Variants in INPP5D observed in about 807,000 individuals in gnomAD.
INPP5D encodes the protein inositol polyphosphate-5-phosphatase D.
Under a neutral mutation model 122.9 loss-of-function variants are expected in INPP5D, and 33 were observed. That is an observed-to-expected ratio of 0.27 (90% CI 0.20 to 0.36). INPP5D has a LOEUF of 0.36. Ranked by LOEUF, INPP5D falls within the 10% of genes least tolerant of loss-of-function variation. The pLI, the probability that INPP5D is intolerant of heterozygous loss-of-function variation, is 1.00. For missense variants in INPP5D, 1,053 were observed against 1,412.7 expected, an observed-to-expected ratio of 0.75 and a Z score of 4.08; for synonymous variants, 584 against 576.2, an observed-to-expected ratio of 1.01 and a Z score of -0.19.
At chr2:233,169,995 G>A (rs755176509) in intron 14 of INPP5D, 31 bp from the exon 15 acceptor site, 50 of 1,613,748 alleles carry the variant, frequency 3.1e-5, no homozygotes, top group East Asian at 6.7e-5. Flanking sequence ...CAGTGACCCC[G>A]TGCTAGATGG....
chr2:233,170,322 G>A lies in INPP5D; in HGVS notation c.1791+158G>A. The A allele has an allele frequency of 1.1e-5, 16 of 1,482,320 alleles. No homozygotes were observed. The highest frequency in any genetic ancestry group is 1.4e-5 in the Non-Finnish European group (16 of 1,107,780). The allele number at this position is 1,482,320 out of a possible 1,614,324, so 91.8% of individuals were successfully genotyped here. ...ACGCTGTTTCCATTACTGAGCCTCA[G>A]CCGCTCCTCACGGTTCCCCTGTGCT... is the stretch of plus-strand genomic sequence containing the variant. On this transcript the variant is annotated intron_variant, in intron 15 of 26. Transcript: ENST00000445964. This position sits in a 1 kb window ranked among gnomAD's most constrained non-coding sequence, Gnocchi z 4.5.
At chr2:233,200,444 A>G (rs1695301853) in intron 25 of INPP5D, among the ~76,000 whole-genome samples, 1 of 152,198 alleles carries the variant, frequency 6.6e-6, no homozygotes, top group Non-Finnish European at 1.5e-5. Flanking sequence ...GTTCACTCTC[A>G]GCCTCTCTTC....
At chr2:233,111,203 C>CGTCAAAATCAGG (rs1469227741) in intron 2 of INPP5D, among the ~76,000 whole-genome samples, 1 of 152,110 alleles carries the variant, frequency 6.6e-6, no homozygotes, top group South Asian at 2.1e-4. Flanking sequence ...CCTTTGTAAC[C>CGTCAAAATCAGG]ACATTCAACC....
chr2:233,186,952 C>T (rs767481054), intron 21 of INPP5D, among the ~76,000 whole-genome samples: 2 of 151,688 alleles, frequency 1.3e-5, no homozygotes, highest in Non-Finnish European at 2.9e-5. Flanking sequence ...AACTCCTGAC[C>T]TCAAGTGATC....
chr2:233,182,414 T>C lies in INPP5D; in HGVS notation c.2076T>C (p.Ser692=). ...AATGCCTTCCCTCCCCTGCAGGCAG[T>C]ACCAGCGACATCATGACGAGTGACC... is the stretch of plus-strand genomic sequence containing the variant. ...LVHVVCQSYG[S]TSDIMTSDHS... Residue 692 remains serine (S), a synonymous_variant, in exon 19 of 27, where the codon AGT becomes AGC. Transcript: ENST00000445964. The C allele has an allele frequency of 6.2e-7, 1 of 1,613,700 alleles. No homozygotes were observed. The highest frequency in any genetic ancestry group is 8.5e-7 in the Non-Finnish European group (1 of 1,179,684).
chr2:233,133,872 G>C (rs1345315939), intron 5 of INPP5D: 10 of 425,604 alleles, frequency 2.3e-5, no homozygotes, highest in African/African-American at 1.8e-4. Context: ...GCTAGCAGGG[G>C]CAGGGGTCTG....
chr2:233,125,860 C>G lies in INPP5D; in HGVS notation c.465C>G (p.Thr155=). 6.2e-7 allele frequency: 1 copy of G among 1,613,718 alleles called. No homozygotes were observed. Among genetic ancestry groups the G allele is most frequent in the South Asian group, 1.1e-5 (1 of 91,038 alleles). The change falls in exon 4 of 27, where the codon ACC becomes ACG. Residue 155 remains threonine, a synonymous_variant. Coordinates refer to ENST00000445964, the MANE Select transcript of INPP5D (RefSeq NM_001017915.3). The stretch of plus-strand genomic sequence containing the variant: ...ACGAGAATCCCCGAGCGACCGAGAC[C>G]AGCCGGCCGAGCCTCTCCGAGACAT... ...FSNENPRATE[T]SRPSLSETLF...
At chr2:233,086,186 T>TTTCTTTCTTTCC (rs1559282393) in intron 2 of INPP5D, among the ~76,000 whole-genome samples, 1 of 143,964 alleles carries the variant, frequency 6.9e-6, no homozygotes, top group Non-Finnish European at 1.5e-5. Flanking sequence ...TCTTTCTTTC[T>TTTCTTTCTTTCC]TTCCTTTTTG....
At chr2:233,063,874 G>A (rs963173081) in intron 1 of INPP5D, among the ~76,000 whole-genome samples, 2 of 152,274 alleles carry the variant, frequency 1.3e-5, no homozygotes, top group Non-Finnish European at 2.9e-5. Flanking sequence ...GCTCCGGGGG[G>A]AGTCTGTGGG....
intron 25 of INPP5D, among the ~76,000 whole-genome samples, chr2:233,201,564 G>A (rs1695342765): frequency 6.6e-6 from 1 of 152,230 alleles, no homozygotes; most frequent in Non-Finnish European, 1.5e-5. Flanking sequence ...CAGAGCAAAG[G>A]CTGTGGAAGG....
chr2:233,072,445 A>C, intron 1 of INPP5D, among the ~76,000 whole-genome samples: 1 of 152,128 alleles, frequency 6.6e-6, no homozygotes, highest in East Asian at 1.9e-4. Context: ...ATATGTATTC[A>C]TAGTTGAGGT....
In INPP5D at chr2:233,089,381, T is replaced by A. The variant is rs553998209; in HGVS notation, c.198+9983T>A. On this transcript the variant is annotated intron_variant, in intron 2 of 26. Transcript: ENST00000445964. ...AAATTCAAGGAAACAAAGGCTCAGA[T>A]GAGATAACACTGTTTGCCTGTTTCA... is the stretch of plus-strand genomic sequence containing the variant. Among the ~76,000 whole-genome samples, 67 of 152,218 alleles carry A rather than the reference T, an allele frequency of 4.4e-4. 1 individual carries two copies. In the South Asian group the frequency reaches 0.014, roughly 32 times the overall value.
chr2:233,128,365 C>A lies in INPP5D; in HGVS notation c.525-2143C>A, dbSNP rs1693224837. Among the ~76,000 whole-genome samples, 1 of 152,182 alleles carries A rather than the reference C, an allele frequency of 6.6e-6. No homozygotes were observed. The highest frequency in any genetic ancestry group is 1.5e-5 in the Non-Finnish European group (1 of 68,028). ...AGAGATGTTTGTCCCTTTTAGTAAA[C>A]AGACTCAGGCAGAAACTGGATTTTT... is the stretch of plus-strand genomic sequence containing the variant. On this transcript the variant is annotated intron_variant, in intron 4 of 26. Transcript: ENST00000445964. This position sits in a 1 kb window ranked among gnomAD's most constrained non-coding sequence, Gnocchi z 4.5.
intron 5 of INPP5D, among the ~76,000 whole-genome samples, chr2:233,134,590 G>A (rs369056103): frequency 6.6e-6 from 1 of 152,094 alleles, no homozygotes; most frequent in Non-Finnish European, 1.5e-5. Context: ...GCAGTACAAA[G>A]CATCAGGCAA....
At chr2:233,074,221 C>G (rs1691454529) in intron 1 of INPP5D, among the ~76,000 whole-genome samples, 1 of 152,050 alleles carries the variant, frequency 6.6e-6, no homozygotes, top group African/African-American at 2.4e-5. Flanking sequence ...GGTGGTGGGG[C>G]CAGAGATGAG....
intron 10 of INPP5D, among the ~76,000 whole-genome samples, chr2:233,159,504 C>G (rs1477219788): frequency 6.7e-6 from 1 of 150,100 alleles, no homozygotes; most frequent in Admixed American, 6.7e-5. Context: ...TCGAGACTAG[C>G]CTGTGCAAGA....
At chr2:233,163,435 A>C (rs1188240590) in intron 11 of INPP5D, among the ~76,000 whole-genome samples, 4 of 152,158 alleles carry the variant, frequency 2.6e-5, no homozygotes, top group African/African-American at 9.7e-5. Flanking sequence ...AAAGTGCAGG[A>C]CAGTGTCTGA....
At chr2:233,162,895 G>A (rs1306531464) in intron 11 of INPP5D, among the ~76,000 whole-genome samples, 10 of 152,160 alleles carry the variant, frequency 6.6e-5, no homozygotes, top group Admixed American at 6.5e-4. Flanking sequence ...TCCTCCCTCT[G>A]GACATGGTCA....
intron 2 of INPP5D, among the ~76,000 whole-genome samples, chr2:233,084,670 C>T (rs745411395): frequency 2.2e-4 from 33 of 152,234 alleles, no homozygotes; most frequent in Non-Finnish European, 3.8e-4. Context: ...TGTTATTGTT[C>T]TGAGTGGTCA....
Sources: gnomAD v4.1 joint callset for allele counts (sites outside exome capture counted in the v4.1 genomes callset) on GRCh38, gnomAD v4.1.1 for gene constraint, Gnocchi (gnomAD v3.1) non-coding constraint, MANE v1.5 for transcripts, NCBI Gene and HGNC (gene_info 2026-07-23, HGNC 2026-07-21) for gene names.